The following JAK2 variants were observed in gnomAD, a reference collection of about 807,000 sequenced individuals.
The protein encoded by JAK2 is Janus kinase 2.
Under a neutral mutation model 139.3 loss-of-function variants are expected in JAK2, and 86 were observed. The ratio of observed to expected loss-of-function variants is 0.62; its 90% confidence interval spans 0.52 to 0.74. The LOEUF (loss-of-function observed/expected upper bound fraction) is 0.74. JAK2 is among the 30% of genes least tolerant of loss of function. The pLI, the probability that JAK2 is intolerant of heterozygous loss-of-function variation, is 0.00. For synonymous variants in JAK2, 490 were observed against 437.7 expected, an observed-to-expected ratio of 1.12 and a Z score of -1.49; for missense variants, 1,421 against 1,360.3, an observed-to-expected ratio of 1.04 and a Z score of -0.70.
intron 2 of JAK2, among the ~76,000 whole-genome samples, chr9:5,014,092 T>A (rs1211214905): frequency 6.6e-6 from 1 of 152,026 alleles, no homozygotes. Flanking sequence ...TAAAATGTGA[T>A]ATTTGAGGTA....
intron 8 of JAK2, among the ~76,000 whole-genome samples, chr9:5,062,152 G>T (rs1818221214): frequency 6.6e-6 from 1 of 152,050 alleles, no homozygotes; most frequent in Non-Finnish European, 1.5e-5. Context: ...GCCAAACATG[G>T]ATGGAAAATA....
intron 2 of JAK2, among the ~76,000 whole-genome samples, chr9:4,987,471 C>T (rs146793144): frequency 3.0e-3 from 453 of 152,180 alleles, no homozygotes; most frequent in African/African-American, 0.011. Flanking sequence ...CATGGTGGCT[C>T]ACGCCTGTAA....
At chr9:5,104,874 A>C (rs552160736) in intron 22 of JAK2, among the ~76,000 whole-genome samples, 5 of 152,216 alleles carry the variant, frequency 3.3e-5, no homozygotes, top group African/African-American at 1.2e-4. Flanking sequence ...CATGCCAAAA[A>C]CTCTCAATAA....
In JAK2 at chr9:5,057,580, C is replaced by CT. The variant is rs541931562; in HGVS notation, c.1056+1813dup. ...ATCCTTGCAACCAGCATTCTACTTT[C>CT]TTTTTTTTTTTTTTTTTTTTTGAGA... is the stretch of plus-strand genomic sequence containing the variant. On this transcript the variant is annotated intron_variant, in intron 8 of 24. Coordinates refer to ENST00000381652, the MANE Select transcript of JAK2 (RefSeq NM_004972.4). 9.5e-3 allele frequency among the ~76,000 whole-genome samples: 1,112 copies of CT among 116,750 alleles called. 14 individuals carry two copies. The highest frequency in any genetic ancestry group is 0.019 in the South Asian group (70 of 3,656). The allele number at this position is 116,750 out of a possible 152,430, so 76.6% of individuals were successfully genotyped here.
At chr9:5,077,870 A>C (rs556368993) in intron 15 of JAK2, among the ~76,000 whole-genome samples, 4 of 152,334 alleles carry the variant, frequency 2.6e-5, no homozygotes, top group African/African-American at 9.6e-5. Flanking sequence ...ATGCAGAAGT[A>C]TGTGCTTCTG....
chr9:4,987,734 T>A (rs1447044619), intron 2 of JAK2, among the ~76,000 whole-genome samples: 3 of 126,658 alleles, frequency 2.4e-5, no homozygotes, highest in Non-Finnish European at 1.6e-5. Context: ...AGACTCTGTC[T>A]AAAAAAAAAA....
At chr9:5,049,641 AT>A (rs1392407040) in intron 5 of JAK2, among the ~76,000 whole-genome samples, 1 of 152,192 alleles carries the variant, frequency 6.6e-6, no homozygotes, top group Non-Finnish European at 1.5e-5. Flanking sequence ...TCTAAGCTAA[AT>A]TTTGGTCCCC....
intron 4 of JAK2, among the ~76,000 whole-genome samples, chr9:5,035,049 G>A (rs1257931813): frequency 1.3e-5 from 2 of 152,080 alleles, no homozygotes; most frequent in Non-Finnish European, 2.9e-5. Flanking sequence ...TGATAAAGGG[G>A]ATATCAACCC....
intron 5 of JAK2, among the ~76,000 whole-genome samples, chr9:5,044,745 T>C (rs1378075837): frequency 6.6e-6 from 1 of 152,254 alleles, no homozygotes; most frequent in Non-Finnish European, 1.5e-5. Flanking sequence ...CTGATCCTTT[T>C]GAATTTCTTT....
intron 22 of JAK2, chr9:5,091,715 G>A (rs1820587948): frequency 6.6e-6 from 1 of 152,180 alleles, no homozygotes; most frequent in African/African-American, 2.4e-5. Context: ...GTCAAACTGG[G>A]TCTAGTAGAA....
rs571744071 is a variant in JAK2 at position 5,050,579 on chromosome 9, T to C, written c.469-107T>C. On this transcript the variant is annotated intron_variant, in intron 5 of 24. Transcript: ENST00000381652. ...AGCCACTGAGCCTGGCCAATTTGTA[T>C]CTTGTAAATGCATATGTTCTGAAAA... The C allele has an allele frequency of 5.3e-5, 63 of 1,182,562 alleles. 1 individual carries two copies. In the South Asian group the frequency reaches 9.2e-4, roughly 17 times the overall value. The allele number at this position is 1,182,562 out of a possible 1,614,324, so 73.3% of individuals were successfully genotyped here.
intron 2 of JAK2, among the ~76,000 whole-genome samples, chr9:5,012,798 G>T (rs1821785594): frequency 6.6e-6 from 1 of 152,178 alleles, no homozygotes; most frequent in Non-Finnish European, 1.5e-5. Context: ...GTATGATGAG[G>T]TTGGAGAGGT....
chr9:5,117,277 A>T (rs1455250190), intron 22 of JAK2, among the ~76,000 whole-genome samples: 1 of 152,212 alleles, frequency 6.6e-6, no homozygotes, highest in Non-Finnish European at 1.5e-5. Flanking sequence ...CGCCCAGTAC[A>T]TCATGTTAAT....
intron 2 of JAK2, among the ~76,000 whole-genome samples, chr9:4,993,015 G>A (rs1820347621): frequency 6.6e-6 from 1 of 152,146 alleles, no homozygotes; most frequent in African/African-American, 2.4e-5. Context: ...GTAGCTTTCT[G>A]AGCTTGCTTC....
chr9:5,034,235 A>G (rs944896800), intron 4 of JAK2, among the ~76,000 whole-genome samples: 1 of 152,232 alleles, frequency 6.6e-6, no homozygotes, highest in African/African-American at 2.4e-5. Context: ...ACCCAGATTC[A>G]TAAAGCAAGT....
chr9:4,992,487 A>T (rs1820312428), intron 2 of JAK2, among the ~76,000 whole-genome samples: 1 of 152,156 alleles, frequency 6.6e-6, no homozygotes, highest in Admixed American at 6.5e-5. Context: ...ATCTTTGGAC[A>T]ATTATTAATA....
In JAK2 at chr9:5,128,296, A is replaced by G. The variant is rs1176559444; in HGVS notation, c.*1505A>G. On this transcript the variant is annotated 3_prime_UTR_variant, in exon 25 of 25. Transcript: ENST00000381652. The stretch of plus-strand genomic sequence containing the variant: ...TTACATTCATTATTATACTTAAAGC[A>G]TTTTTAAAGCATTTTAATAGTTCTG... The G allele has an allele frequency of 4.4e-6, 1 of 225,764 alleles. No homozygotes were observed. The highest frequency in any genetic ancestry group is 5.7e-5 in the Admixed American group (1 of 17,538). 14.0% of individuals were successfully genotyped at this position (225,764 alleles called of 1,614,324 possible). A position where few individuals can be genotyped will look rare whatever the true frequency, so the allele number is the denominator to read the frequency against.
At chr9:5,097,492 A>G (rs965953988) in intron 22 of JAK2, 21 of 152,180 alleles carry the variant, frequency 1.4e-4, no homozygotes, top group African/African-American at 4.1e-4. Flanking sequence ...CATAATATCT[A>G]TTGGCTTCTT....
At chr9:5,122,011 A>G (rs1564026133) in intron 22 of JAK2, among the ~76,000 whole-genome samples, 2 of 152,314 alleles carry the variant, frequency 1.3e-5, no homozygotes, top group South Asian at 2.1e-4. Flanking sequence ...GACTAAATGT[A>G]AAAAGAATAT....
Sources: allele counts gnomAD v4.1 joint callset (sites outside exome capture counted in the v4.1 genomes callset), GRCh38; gene constraint gnomAD v4.1.1; transcripts MANE v1.5; gene names NCBI Gene and HGNC (gene_info 2026-07-23, HGNC 2026-07-21).